Variants in ZNF140 observed in about 807,000 individuals in gnomAD.
ZNF140 encodes zinc finger protein 140 (clone pHZ-39).
ZNF140 carries 13 observed loss-of-function variants against 12.9 expected under a neutral mutation model. The ratio of observed to expected loss-of-function variants is 1.01; its 90% confidence interval spans 0.66 to 1.60. The LOEUF is 1.60. ZNF140 is among the 40% of genes most tolerant of loss of function. The pLI is 0.00. For synonymous variants in ZNF140, 214 were observed against 186.7 expected, an observed-to-expected ratio of 1.15 and a Z score of -1.19; for missense variants, 531 against 548.8, an observed-to-expected ratio of 0.97 and a Z score of 0.32.
At chr12:133,099,266 G>A (rs1469115450) in intron 4 of ZNF140, among the ~76,000 whole-genome samples, 2 of 152,078 alleles carry the variant, frequency 1.3e-5, no homozygotes, top group Non-Finnish European at 2.9e-5. Flanking sequence ...TCTGCCTCCC[G>A]GGTTCCAGAC....
At chr12:133,099,365 C>T (rs1955251775) in intron 4 of ZNF140, among the ~76,000 whole-genome samples, 2 of 152,040 alleles carry the variant, frequency 1.3e-5, no homozygotes, top group South Asian at 4.2e-4. Flanking sequence ...TTAGTAGAGA[C>T]GGGGTTTCAC....
At chr12:133,104,541 C>T (rs1046598758) in intron 4 of ZNF140, among the ~76,000 whole-genome samples, 10 of 151,986 alleles carry the variant, frequency 6.6e-5, no homozygotes, top group Non-Finnish European at 8.8e-5. Flanking sequence ...TTAGTAGAGA[C>T]GGGGTTTCAC....
At chr12:133,087,303 A>T (rs1954706667) in intron 4 of ZNF140, among the ~76,000 whole-genome samples, 1 of 137,776 alleles carries the variant, frequency 7.3e-6, no homozygotes, top group South Asian at 2.2e-4. Flanking sequence ...TTCCTTAGTT[A>T]AAAAAAAAAG....
chr12:133,092,949 A>C (rs1954943565), intron 4 of ZNF140, among the ~76,000 whole-genome samples: 1 of 151,146 alleles, frequency 6.6e-6, no homozygotes, highest in East Asian at 1.9e-4. Flanking sequence ...TTAGGCCTAA[A>C]TTTTAATGAT....
At chr12:133,081,653 G>A in intron 2 of ZNF140, 1 of 447,430 alleles carries the variant, frequency 2.2e-6, no homozygotes, top group African/African-American at 2.0e-5. Flanking sequence ...GTGACAGGAA[G>A]CTATCCAGAT....
intron 4 of ZNF140, among the ~76,000 whole-genome samples, chr12:133,102,726 GT>G (rs766651279): frequency 3.4e-5 from 5 of 149,096 alleles, no homozygotes; most frequent in Admixed American, 6.7e-5. Flanking sequence ...CCCAGCCTGG[GT>G]GACAGAGCGA....
intron 4 of ZNF140, among the ~76,000 whole-genome samples, chr12:133,085,990 G>A (rs1954664379): frequency 6.6e-6 from 1 of 152,228 alleles, no homozygotes; most frequent in African/African-American, 2.4e-5. Flanking sequence ...CTGCACTCCA[G>A]CCTGGGCAAT....
chr12:133,098,603 G>A (rs1030653155), intron 4 of ZNF140, among the ~76,000 whole-genome samples: 2 of 152,184 alleles, frequency 1.3e-5, no homozygotes, highest in Non-Finnish European at 2.9e-5. Context: ...TGTAGTGCAA[G>A]TACCTTATAA....
chr12:133,091,052 C>A (rs1056476255), intron 4 of ZNF140, among the ~76,000 whole-genome samples: 2 of 149,040 alleles, frequency 1.3e-5, no homozygotes, highest in African/African-American at 2.5e-5. Context: ...AGTGGCCTTC[C>A]TCTATCTCAA....
intron 2 of ZNF140, chr12:133,082,218 A>G (rs1334288687): frequency 6.6e-6 from 1 of 152,204 alleles, no homozygotes; most frequent in African/African-American, 2.4e-5. Context: ...ACTTCTCTCC[A>G]AATTCAGAGG....
At chr12:133,093,212 G>A (rs930311403) in intron 4 of ZNF140, among the ~76,000 whole-genome samples, 3 of 151,186 alleles carry the variant, frequency 2.0e-5, no homozygotes, top group African/African-American at 7.4e-5. Flanking sequence ...TGGTACCCAT[G>A]CACTGTTATT....
At chr12:133,096,155 G>A (rs1955114195) in intron 4 of ZNF140, among the ~76,000 whole-genome samples, 2 of 148,190 alleles carry the variant, frequency 1.3e-5, no homozygotes, top group African/African-American at 2.5e-5. Context: ...CAAGGGCAGA[G>A]GTCCCTGTGG....
At chr12:133,101,246 C>T (rs1452396531) in intron 4 of ZNF140, among the ~76,000 whole-genome samples, 1 of 152,152 alleles carries the variant, frequency 6.6e-6, no homozygotes, top group African/African-American at 2.4e-5. Flanking sequence ...ATTATTTCCT[C>T]AAAGACTGCT....
chr12:133,095,215 A>G (rs1184701251), intron 4 of ZNF140, among the ~76,000 whole-genome samples: 2 of 151,044 alleles, frequency 1.3e-5, no homozygotes, highest in African/African-American at 2.5e-5. Flanking sequence ...GAATTGTTCT[A>G]TTGTTTGAAA....
In ZNF140 at chr12:133,106,547, T is replaced by C. The variant is rs906123952; in HGVS notation, c.1270T>C (p.Trp424Arg). The C allele has an allele frequency of 1.2e-6, 2 of 1,614,014 alleles. No individual in the cohort carries two copies. The highest frequency in any genetic ancestry group is 2.7e-5 in the African/African-American group (2 of 75,062). ...VCKVCNKSFS[W>R]SSNLAKHQRT... is the part of the protein sequence containing the mutation. The stretch of plus-strand genomic sequence containing the variant: ...TAAGGTATGCAACAAATCCTTCAGC[T>C]GGAGCTCAAACCTTGCTAAACATCA... Residue 424 changes from tryptophan (W) to arginine (R), a missense_variant, in exon 5 of 5, where the codon TGG (tryptophan) becomes CGG (arginine). Transcript: ENST00000355557.
chr12:133,103,407 C>T (rs909451336), intron 4 of ZNF140, among the ~76,000 whole-genome samples: 6 of 151,168 alleles, frequency 4.0e-5, no homozygotes, highest in Non-Finnish European at 8.8e-5. Context: ...TACAGATGCA[C>T]AGTACCGTGC....
At chr12:133,095,837 G>A (rs1398266104) in intron 4 of ZNF140, among the ~76,000 whole-genome samples, 11 of 152,062 alleles carry the variant, frequency 7.2e-5, no homozygotes, top group East Asian at 1.9e-4. Flanking sequence ...TCTCAGCGGA[G>A]TAAAGAATAA....
rs1377287336 is a variant in ZNF140 at position 133,097,818 on chromosome 12, C to CGTGT, written c.233-7692_233-7691insGTGT. ...ATATGCATGAGGCACCACATCTAAC[C>CGTGT]ATGTGTGTGTGTGTGTGTGTGTGTG... On this transcript the variant is annotated intron_variant, in intron 4 of 4. Coordinates refer to ENST00000355557, the MANE Select transcript of ZNF140 (RefSeq NM_003440.4). 1.8e-4 allele frequency among the ~76,000 whole-genome samples: 19 copies of CGTGT among 106,582 alleles called. 1 individual carries two copies. The highest frequency in any genetic ancestry group is 8.0e-4 in the South Asian group (2 of 2,510). 69.9% of individuals were successfully genotyped at this position (106,582 alleles called of 152,430 possible).
chr12:133,107,360 G>A lies in ZNF140; in HGVS notation c.*709G>A, dbSNP rs545638093. 6.6e-6 allele frequency: 1 copy of A among 152,204 alleles called. No individual in the cohort carries two copies. Among genetic ancestry groups the A allele is most frequent in the East Asian group, 1.9e-4 (1 of 5,184 alleles). The allele number at this position is 152,204 out of a possible 1,614,324, so 9.4% of individuals were successfully genotyped here. On this transcript the variant is annotated 3_prime_UTR_variant, in exon 5 of 5. Coordinates refer to ENST00000355557, the MANE Select transcript of ZNF140 (RefSeq NM_003440.4). ...GGAAACGGTTCTATTTTGAGGGAAG[G>A]GGGATTCCTTTTTGTTTTTTAAGTG... is the stretch of plus-strand genomic sequence containing the variant.
Sources: gnomAD v4.1 joint callset for allele counts (sites outside exome capture counted in the v4.1 genomes callset) on GRCh38, gnomAD v4.1.1 for gene constraint, MANE v1.5 for transcripts, NCBI Gene and HGNC (gene_info 2026-07-23, HGNC 2026-07-21) for gene names.